Variants in NDUFS1 observed in about 807,000 individuals in gnomAD.
The protein encoded by NDUFS1 is NADH-ubiquinone oxidoreductase 75 kDa subunit, mitochondrial.
Under a neutral mutation model 84.4 loss-of-function variants are expected in NDUFS1, and 61 were observed. That is an observed-to-expected ratio of 0.72 (90% CI 0.59 to 0.89). The LOEUF is 0.89. Ranked by LOEUF, NDUFS1 falls within the 40% of genes least tolerant of loss-of-function variation. The pLI, the probability that NDUFS1 is intolerant of heterozygous loss-of-function variation, is 0.00. For missense variants in NDUFS1, 891 were observed against 890.0 expected (o/e 1.00, Z -0.01); for synonymous variants, 275 against 290.0 (o/e 0.95, Z 0.53).
At chr2:206,138,458 GA>G (rs1408523966) in intron 13 of NDUFS1, 26 bp downstream of exon 13, 4 of 1,603,190 alleles carry the variant, frequency 2.5e-6, no homozygotes, top group Middle Eastern at 1.7e-4. Context: ...AAATCAACAA[GA>G]GTAGATACAC....
rs565118470 is a variant in NDUFS1 at position 206,147,840 on chromosome 2, T to G, written c.339-6A>C. ...AGAACTCCATCACACCTTCCCTGTATGAAAATTGTAACATATAAAATGACT... is the reference window on the plus strand; with the variant it reads ...AGAACTCCATCACACCTTCCCTGTAGGAAAATTGTAACATATAAAATGACT... On this transcript the variant is annotated splice_polypyrimidine_tract_variant and splice_region_variant and intron_variant, in intron 5 of 18. Transcript: ENST00000233190. The G allele has an allele frequency of 1.7e-5, 27 of 1,611,294 alleles. No homozygotes were observed. The South Asian group carries it at 2.5e-4, about 15-fold the overall frequency.
intron 1 of NDUFS1, among the ~76,000 whole-genome samples, 190 bp from the exon 2 acceptor site, chr2:206,153,872 A>G (rs1278556851): frequency 2.6e-5 from 4 of 152,224 alleles, no homozygotes; most frequent in African/African-American, 9.6e-5. Context: ...AATGTCAAAG[A>G]GCTAAGCAGC....
intron 13 of NDUFS1, among the ~76,000 whole-genome samples, chr2:206,137,269 T>C (rs1308600031): frequency 6.6e-6 from 1 of 151,400 alleles, no homozygotes; most frequent in Non-Finnish European, 1.5e-5. Flanking sequence ...AAGTCAGGAG[T>C]TGGAGACCAG....
intron 18 of NDUFS1, among the ~76,000 whole-genome samples, chr2:206,125,529 ATAGT>A (rs1691258408): frequency 6.6e-6 from 1 of 151,278 alleles, no homozygotes; most frequent in South Asian, 2.1e-4. Flanking sequence ...ATAAATAACA[ATAGT>A]TAATTAATAT....
intron 9 of NDUFS1, among the ~76,000 whole-genome samples, chr2:206,144,405 GA>G (rs1227640505): frequency 6.6e-6 from 1 of 152,096 alleles, no homozygotes; most frequent in African/African-American, 2.4e-5. Context: ...TCAGCTAACT[GA>G]ACAATCTTAA....
rs1691175508 is a variant in NDUFS1, at chr2:206,123,750, A to T, written c.*435T>A. 6.2e-6 allele frequency: 1 copy of T among 161,680 alleles called. No individual in the cohort carries two copies. Among genetic ancestry groups the T allele is most frequent in the African/African-American group, 2.4e-5 (1 of 41,536 alleles). 10.0% of individuals were successfully genotyped at this position (161,680 alleles called of 1,614,324 possible). A position where few individuals can be genotyped will look rare whatever the true frequency, so the allele number is the denominator to read the frequency against. On this transcript the variant is annotated 3_prime_UTR_variant, in exon 19 of 19. Transcript: ENST00000233190. Reference sequence around the variant, plus strand: ...ATTATTAATTATAATTATCCTAGATACATATCTGAGCATGATTATGTATTT... The same window carrying T: ...ATTATTAATTATAATTATCCTAGATTCATATCTGAGCATGATTATGTATTT...
At chr2:206,129,420 G>A (rs1231494350) in intron 15 of NDUFS1, among the ~76,000 whole-genome samples, 1 of 151,746 alleles carries the variant, frequency 6.6e-6, no homozygotes, top group Non-Finnish European at 1.5e-5. Context: ...GCAGCAACAC[G>A]CCTAGCTAAT....
rs141194948 is a variant in NDUFS1 at position 206,128,161 on chromosome 2, A to G, written c.1709-189T>C. The stretch of plus-strand genomic sequence containing the variant: ...CAACCCTAATTCAACTCCCTTCCCA[A>G]AGAAAATTATTATTATTTTTTTGAG... On this transcript the variant is annotated intron_variant, in intron 15 of 18. Coordinates refer to ENST00000233190, the MANE Select transcript of NDUFS1 (RefSeq NM_005006.7). Among the ~76,000 whole-genome samples, 99 of 151,962 alleles carry G rather than the reference A, an allele frequency of 6.5e-4. 1 individual carries two copies. The East Asian group carries it at 0.018, about 28-fold the overall frequency.
At chr2:206,150,955 G>T (rs960471483) in intron 3 of NDUFS1, among the ~76,000 whole-genome samples, 1 of 151,644 alleles carries the variant, frequency 6.6e-6, no homozygotes, top group Non-Finnish European at 1.5e-5. Flanking sequence ...TCTGTACGAC[G>T]GGGGAAAAAA....
chr2:206,149,280 G>A (rs1397570025), intron 4 of NDUFS1, among the ~76,000 whole-genome samples, 184 bp from the exon 5 acceptor site: 1 of 152,092 alleles, frequency 6.6e-6, no homozygotes, highest in Non-Finnish European at 1.5e-5. Context: ...CGATGATCTA[G>A]TACTTTGCAT....
chr2:206,153,812 C>T, intron 1 of NDUFS1, 130 bp from the exon 2 acceptor site: 1 of 637,830 alleles, frequency 1.6e-6, no homozygotes, highest in Middle Eastern at 4.4e-4. Flanking sequence ...CTGATATTTT[C>T]ACTTAGTCTG....
At chr2:206,142,094 A>G in intron 11 of NDUFS1, 25 bp from the exon 12 acceptor site, 1 of 1,552,482 alleles carries the variant, frequency 6.4e-7, no homozygotes, top group Non-Finnish European at 8.9e-7. Context: ...TATAAAATGC[A>G]AATTTACTTT....
At chr2:206,127,776 G>GA (rs1559042762) in intron 16 of NDUFS1, 21 bp downstream of exon 16, 1 of 1,612,954 alleles carries the variant, frequency 6.2e-7, no homozygotes, top group South Asian at 1.1e-5. Context: ...GCATCACTAA[G>GA]AAATGACTCA....
intron 10 of NDUFS1, among the ~76,000 whole-genome samples, chr2:206,143,145 G>A (rs893568425): frequency 1.3e-5 from 2 of 152,152 alleles, no homozygotes; most frequent in African/African-American, 2.4e-5. Flanking sequence ...CCAGCTGCTC[G>A]GGAGGATGAG....
At chr2:206,126,988 GAAGCAGTT>G (rs1691318797) in intron 16 of NDUFS1, 144 bp from the exon 17 acceptor site, 1 of 1,009,524 alleles carries the variant, frequency 9.9e-7, no homozygotes, top group East Asian at 2.6e-5. Flanking sequence ...ATTTATGAAG[GAAGCAGTT>G]AAGCAGGGAA....
rs894034507 is a variant in NDUFS1 at position 206,122,117 on chromosome 2, G to C, written c.*2068C>G. ...TAAACAGTTCTAAAAGCTGGTACAG[G>C]TGACAAATTTTGTGCAATTTTAAGT... On this transcript the variant is annotated 3_prime_UTR_variant, in exon 19 of 19. Transcript: ENST00000233190. 4 of 152,084 alleles carry C rather than the reference G, an allele frequency of 2.6e-5. No individual in the cohort carries two copies. The highest frequency in any genetic ancestry group is 9.7e-5 in the African/African-American group (4 of 41,412). The allele number at this position is 152,084 out of a possible 1,614,324, so 9.4% of individuals were successfully genotyped here.
chr2:206,148,425 T>G (rs1692242603), intron 5 of NDUFS1, among the ~76,000 whole-genome samples: 1 of 152,078 alleles, frequency 6.6e-6, no homozygotes, highest in South Asian at 2.1e-4. Flanking sequence ...TCTGGTAGTA[T>G]TAAACACACA....
chr2:206,136,033 CTTTT>C (rs771696304), intron 13 of NDUFS1, among the ~76,000 whole-genome samples: 1 of 142,120 alleles, frequency 7.0e-6, no homozygotes, highest in Non-Finnish European at 1.5e-5. Context: ...ACTGCATCAG[CTTTT>C]TTTTTTTTTT....
At position 206,130,990 on chromosome 2, in the gene NDUFS1, T is replaced by C. The variant is rs561192096; in HGVS notation, c.1554-748A>G. Among the ~76,000 whole-genome samples the C allele has an allele frequency of 5.6e-4, 86 of 152,318 alleles. No individual in the cohort carries two copies. The Middle Eastern group carries it at 0.014, about 24-fold the overall frequency. ...CCATAATGAGAAAACCAAAACCTTA[T>C]AGAAATTTTTTCTACGAATATATAT... On this transcript the variant is annotated intron_variant, in intron 14 of 18. Coordinates refer to ENST00000233190, the MANE Select transcript of NDUFS1 (RefSeq NM_005006.7).
Sources: allele counts gnomAD v4.1 joint callset (sites outside exome capture counted in the v4.1 genomes callset), GRCh38; gene constraint gnomAD v4.1.1; transcripts MANE v1.5; gene names NCBI Gene and HGNC (gene_info 2026-07-23, HGNC 2026-07-21).